Variants in FANCC observed in about 807,000 individuals in gnomAD.
The protein encoded by FANCC is Fanconi anemia group C protein.
A neutral mutation model predicts 71.3 loss-of-function variants in FANCC; 55 were observed. The observed-to-expected ratio is 0.77, with a 90% CI of 0.62 to 0.97. The LOEUF is 0.97. FANCC is among the 50% of genes least tolerant of loss of function. The pLI is 0.00. For missense variants in FANCC, 678 were observed against 670.9 expected, an observed-to-expected ratio of 1.01 and a Z score of -0.12; for synonymous variants, 275 against 244.9, an observed-to-expected ratio of 1.12 and a Z score of -1.15.
chr9:95,315,586 C>T (rs1463485896), intron 1 of FANCC, among the ~76,000 whole-genome samples: 1 of 152,216 alleles, frequency 6.6e-6, no homozygotes, highest in Non-Finnish European at 1.5e-5. Context: ...GCAAAACTTC[C>T]AAGGTGCTTC....
intron 10 of FANCC, among the ~76,000 whole-genome samples, chr9:95,124,246 G>A (rs1404605267): frequency 6.6e-6 from 1 of 152,084 alleles, no homozygotes; most frequent in Non-Finnish European, 1.5e-5. Flanking sequence ...AGCTTCACAG[G>A]GGCCGTGACA....
At chr9:95,317,303 GCCACCTT>G (rs1165366062) in intron 1 of FANCC, 3 of 48,126 alleles carry the variant, frequency 6.2e-5, no homozygotes, top group Admixed American at 2.6e-4. Context: ...GGCACCGCCC[GCCACCTT>G]CCGCCTCCCG....
intron 10 of FANCC, among the ~76,000 whole-genome samples, chr9:95,121,615 C>T (rs2072885185): frequency 6.6e-6 from 1 of 152,222 alleles, no homozygotes; most frequent in African/African-American, 2.4e-5. Flanking sequence ...GATGGCTACA[C>T]TGCCATACGT....
At chr9:95,234,205 T>G (rs1364891418) in intron 4 of FANCC, among the ~76,000 whole-genome samples, 2 of 152,220 alleles carry the variant, frequency 1.3e-5, no homozygotes, top group Non-Finnish European at 2.9e-5. Context: ...TAATTAAAAG[T>G]TGGCAAAAAT....
chr9:95,209,340 T>C (rs1384289366), intron 4 of FANCC, among the ~76,000 whole-genome samples: 2 of 152,176 alleles, frequency 1.3e-5, no homozygotes. Flanking sequence ...CCATAGAATG[T>C]ACACTACCCA....
chr9:95,288,696 T>C (rs143030575), intron 1 of FANCC, among the ~76,000 whole-genome samples: 107 of 152,276 alleles, frequency 7.0e-4, no homozygotes, highest in African/African-American at 2.5e-3. Context: ...GTTGATAATC[T>C]GAATCCAGTG....
At chr9:95,111,224 C>T (rs1564646885) in intron 13 of FANCC, 23 of 1,536,598 alleles carry the variant, frequency 1.5e-5, no homozygotes, top group Middle Eastern at 1.7e-4. Flanking sequence ...GAAGGGTCTT[C>T]GTTTTGCAGG....
At chr9:95,110,690 A>G in intron 13 of FANCC, 1 of 1,054,600 alleles carries the variant, frequency 9.5e-7, no homozygotes. Flanking sequence ...CAAGAGAAGC[A>G]GGGCTCTATA....
chr9:95,144,609 G>A (rs1237366533), intron 7 of FANCC, among the ~76,000 whole-genome samples: 8 of 152,182 alleles, frequency 5.3e-5, no homozygotes, highest in Non-Finnish European at 1.2e-4. Flanking sequence ...AGCTCTTGCT[G>A]AAAGAGTAAG....
At chr9:95,224,108 A>T (rs1403370754) in intron 4 of FANCC, among the ~76,000 whole-genome samples, 2 of 152,224 alleles carry the variant, frequency 1.3e-5, no homozygotes, top group African/African-American at 4.8e-5. Context: ...ACCACAGATT[A>T]CATATAATAT....
chr9:95,154,457 T>C (rs1814052587), intron 6 of FANCC, among the ~76,000 whole-genome samples: 1 of 152,054 alleles, frequency 6.6e-6, no homozygotes. Flanking sequence ...TGCTGTGAAT[T>C]TGTACAGAAA....
At chr9:95,303,383 C>T (rs1308066488) in intron 1 of FANCC, among the ~76,000 whole-genome samples, 1 of 152,164 alleles carries the variant, frequency 6.6e-6, no homozygotes. Flanking sequence ...GGAGAACACA[C>T]GCGCACCAGC....
intron 4 of FANCC, among the ~76,000 whole-genome samples, chr9:95,237,029 A>C (rs1239509574): frequency 6.6e-6 from 1 of 152,226 alleles, no homozygotes; most frequent in African/African-American, 2.4e-5. Flanking sequence ...TTATGTATGT[A>C]CTGACTGATG....
intron 4 of FANCC, among the ~76,000 whole-genome samples, chr9:95,220,912 T>C (rs1829215391): frequency 6.6e-6 from 1 of 151,650 alleles, no homozygotes; most frequent in African/African-American, 2.4e-5. Flanking sequence ...AAATACAGGT[T>C]TGAACTTACT....
chr9:95,298,881 A>T (rs1223159554), intron 1 of FANCC, among the ~76,000 whole-genome samples: 1 of 152,234 alleles, frequency 6.6e-6, no homozygotes, highest in Non-Finnish European at 1.5e-5. Context: ...CCACAAACGC[A>T]ATCCAAAAGC....
intron 3 of FANCC, among the ~76,000 whole-genome samples, chr9:95,245,644 C>T (rs546876432): frequency 6.6e-6 from 1 of 151,936 alleles, no homozygotes; most frequent in Non-Finnish European, 1.5e-5. Context: ...CACCTGTAAT[C>T]CCAACACTTT....
chr9:95,118,119 A>G (rs906454387), intron 10 of FANCC, among the ~76,000 whole-genome samples: 2 of 152,022 alleles, frequency 1.3e-5, no homozygotes, highest in Non-Finnish European at 2.9e-5. Flanking sequence ...CCCGGGTCCA[A>G]ATGATTCTCC....
intron 4 of FANCC, among the ~76,000 whole-genome samples, chr9:95,222,629 C>A (rs1829350285): frequency 1.3e-5 from 2 of 152,030 alleles, no homozygotes; most frequent in South Asian, 4.1e-4. Flanking sequence ...TGCATTTGAT[C>A]GCACGTAAAA....
At chr9:95,223,430 A>G (rs527554234) in intron 4 of FANCC, among the ~76,000 whole-genome samples, 2 of 152,316 alleles carry the variant, frequency 1.3e-5, no homozygotes, top group Non-Finnish European at 2.9e-5. Context: ...TTATAAAGAC[A>G]AGAGTCATGT....
Sources: allele counts gnomAD v4.1 joint callset (sites outside exome capture counted in the v4.1 genomes callset), GRCh38; gene constraint gnomAD v4.1.1; transcripts MANE v1.5; gene names NCBI Gene and HGNC (gene_info 2026-07-23, HGNC 2026-07-21).